The following VTI1B variants were observed in gnomAD, a reference collection of about 807,000 sequenced individuals.
VTI1B encodes the protein vesicle transport through interaction with t-SNAREs 1B.
A neutral mutation model predicts 28.6 loss-of-function variants in VTI1B; 18 were observed. The ratio of observed to expected loss-of-function variants is 0.63; its 90% CI spans 0.43 to 0.93. VTI1B has a LOEUF of 0.93. Ranked by LOEUF, VTI1B falls within the 40% of genes least tolerant of loss-of-function variation. The pLI, the probability that VTI1B is intolerant of heterozygous loss-of-function variation, is 0.00. For missense variants in VTI1B, 283 were observed against 297.0 expected (o/e 0.95, Z 0.35); for synonymous variants, 100 against 107.9 (o/e 0.93, Z 0.46).
At chr14:67,661,584 G>A (rs527477036) in intron 2 of VTI1B, among the ~76,000 whole-genome samples, 2 of 144,062 alleles carry the variant, frequency 1.4e-5, no homozygotes, top group East Asian at 2.0e-4. Flanking sequence ...CCAGACTGGA[G>A]TGCAGTGGTG....
At chr14:67,662,406 C>T in intron 2 of VTI1B, 71 bp downstream of exon 2, 1 of 1,279,594 alleles carries the variant, frequency 7.8e-7, no homozygotes, top group Non-Finnish European at 1.1e-6. Flanking sequence ...AATTTGTGAT[C>T]AGCTCATAGC....
At chr14:67,656,691 CAATA>C in intron 3 of VTI1B, 102 bp from the exon 4 acceptor site, 1 of 1,260,548 alleles carries the variant, frequency 7.9e-7, no homozygotes, top group South Asian at 1.9e-5. Context: ...ATATAGTGAG[CAATA>C]ATTTTCATTC....
In VTI1B at chr14:67,674,396, G is replaced by C. The variant is rs2037508185; in HGVS notation, c.94C>G (p.Leu32Val). The change falls in exon 1 of 6, where the codon CTG (leucine) becomes GTG (valine). Residue 32 changes from leucine (L) to valine (V), a missense_variant. By Grantham distance (32) the Leu-to-Val change is conservative. Coordinates refer to ENST00000554659, the MANE Select transcript of VTI1B (RefSeq NM_006370.3). ...TCACCGGTCCCCGCCGTCCCCAGCA[G>C]CCGCTCGGGCACCCCTTGTAGGTCT... ...HEDLQGVPERLLGTAGTEEKK... is the reference protein window; with the variant it reads ...HEDLQGVPERVLGTAGTEEKK... 6.2e-7 allele frequency: 1 copy of C among 1,602,834 alleles called. No homozygotes were observed. Among genetic ancestry groups the C allele is most frequent in the Non-Finnish European group, 8.5e-7 (1 of 1,176,116 alleles).
Position 67,650,525 on chromosome 14 carries a change from A to C in VTI1B, c.*860T>G. ...AAGGTTTCTTTTAATCTACTATAGC[A>C]CAACAGTGTTTTAACTTAAATTCAT... On this transcript the variant is annotated 3_prime_UTR_variant, in exon 6 of 6. Transcript: ENST00000554659. The C allele has an allele frequency of 3.3e-6, 2 of 606,488 alleles. No individual in the cohort carries two copies. Among genetic ancestry groups the C allele is most frequent in the Non-Finnish European group, 5.9e-6 (2 of 340,720 alleles). 37.6% of individuals were successfully genotyped at this position (606,488 alleles called of 1,614,324 possible). A position where few individuals can be genotyped will look rare whatever the true frequency, so the allele number is the denominator to read the frequency against.
rs1183751334 is a variant in VTI1B, at chr14:67,647,806, AGTCT to A, written c.*3575_*3578del. The A allele has an allele frequency of 2.8e-5, 14 of 493,684 alleles. No homozygotes were observed. The highest frequency in any genetic ancestry group is 4.7e-5 in the Non-Finnish European group (13 of 276,654). 30.6% of individuals were successfully genotyped at this position (493,684 alleles called of 1,614,324 possible). On this transcript the variant is annotated 3_prime_UTR_variant, in exon 6 of 6. Coordinates refer to ENST00000554659, the MANE Select transcript of VTI1B (RefSeq NM_006370.3). ...TAAGGCAGAAATATACATTGGAGTT[AGTCT>A]GTCTGAGGTATGCAGAACAAATGGC...
At chr14:67,654,142 C>T (rs142534190) in intron 4 of VTI1B, among the ~76,000 whole-genome samples, 6 of 152,150 alleles carry the variant, frequency 3.9e-5, no homozygotes, top group Non-Finnish European at 8.8e-5. Flanking sequence ...GGTCTCACTC[C>T]GTCACTCAGG....
chr14:67,660,437 G>T (rs755061946), intron 2 of VTI1B, among the ~76,000 whole-genome samples: 1 of 152,092 alleles, frequency 6.6e-6, no homozygotes, highest in Non-Finnish European at 1.5e-5. Context: ...CAGAAAAGGA[G>T]TCAGGATTCA....
At chr14:67,669,939 C>T (rs1053435775) in intron 1 of VTI1B, among the ~76,000 whole-genome samples, 1 of 152,218 alleles carries the variant, frequency 6.6e-6, no homozygotes. Context: ...ACTAAAAATA[C>T]AAAAAATTAG....
At chr14:67,667,561 T>C (rs1458227645) in intron 1 of VTI1B, among the ~76,000 whole-genome samples, 1 of 152,142 alleles carries the variant, frequency 6.6e-6, no homozygotes, top group Non-Finnish European at 1.5e-5. Context: ...CCAAATATAA[T>C]AAGGGCTCAA....
chr14:67,660,974 T>A (rs1264923802), intron 2 of VTI1B, among the ~76,000 whole-genome samples: 2 of 152,294 alleles, frequency 1.3e-5, no homozygotes, highest in East Asian at 3.9e-4. Context: ...GTTCCCACAG[T>A]CTAGTGGCCT....
rs1268566409 is a variant in VTI1B, at chr14:67,650,841, G to T, written c.*544C>A. On this transcript the variant is annotated 3_prime_UTR_variant, in exon 6 of 6. Transcript: ENST00000554659. ...TCAAGCTTTGGTCAGACAAGAGAAG[G>T]AGGGCATATTGTCTATGACCAACTT... 1.2e-6 allele frequency: 2 copies of T among 1,614,154 alleles called. No homozygotes were observed. Among genetic ancestry groups the T allele is most frequent in the Admixed American group, 3.3e-5 (2 of 60,028 alleles).
In VTI1B at chr14:67,651,229, G is replaced by T; in HGVS notation, c.*156C>A. The T allele has an allele frequency of 1.4e-6, 2 of 1,441,308 alleles. No homozygotes were observed. The highest frequency in any genetic ancestry group is 2.8e-5 in the African/African-American group (2 of 70,344). The allele number at this position is 1,441,308 out of a possible 1,614,324, so 89.3% of individuals were successfully genotyped here. A position where few individuals can be genotyped will look rare whatever the true frequency, so the allele number is the denominator to read the frequency against. Reference sequence around the variant, plus strand: ...GCTGTTGTTCCTTCACATTTAAGTGGTTTTTCATCTTTCCTCCCTCCTCCC... The same window carrying T: ...GCTGTTGTTCCTTCACATTTAAGTGTTTTTTCATCTTTCCTCCCTCCTCCC... On this transcript the variant is annotated 3_prime_UTR_variant, in exon 6 of 6. Coordinates refer to ENST00000554659, the MANE Select transcript of VTI1B (RefSeq NM_006370.3).
Position 67,650,273 on chromosome 14 carries a change from T to G in VTI1B, c.*1112A>C, listed in dbSNP as rs559985020. On this transcript the variant is annotated 3_prime_UTR_variant, in exon 6 of 6. Coordinates refer to ENST00000554659, the MANE Select transcript of VTI1B (RefSeq NM_006370.3). ...ACACATTAGAGTTCAAAAGTGGGAA[T>G]GCAGTTTGGCTAGTGCAAGTGGCAG... 59 of 216,524 alleles carry G rather than the reference T, an allele frequency of 2.7e-4. No homozygotes were observed. The highest frequency in any genetic ancestry group is 1.2e-3 in the African/African-American group (54 of 43,272). 13.4% of individuals were successfully genotyped at this position (216,524 alleles called of 1,614,324 possible). A position where few individuals can be genotyped will look rare whatever the true frequency, so the allele number is the denominator to read the frequency against.
intron 2 of VTI1B, among the ~76,000 whole-genome samples, chr14:67,660,981 G>A (rs1291085993): frequency 3.9e-5 from 6 of 152,146 alleles, no homozygotes; most frequent in Admixed American, 3.9e-4. Flanking sequence ...CAGTCTAGTG[G>A]CCTGGTCTTT....
chr14:67,659,609 G>GA (rs1594837092), intron 3 of VTI1B, 122 bp downstream of exon 3: 9 of 1,022,244 alleles, frequency 8.8e-6, no homozygotes, highest in Admixed American at 3.3e-5. Context: ...GGATAAGGGT[G>GA]AAAAAAATGA....
intron 1 of VTI1B, among the ~76,000 whole-genome samples, chr14:67,673,388 C>A (rs2037493651): frequency 6.6e-6 from 1 of 151,998 alleles, no homozygotes; most frequent in Admixed American, 6.6e-5. Context: ...AAGTCCCATC[C>A]CCTATTCTTT....
chr14:67,648,053 A>G lies in VTI1B; in HGVS notation c.*3332T>C, dbSNP rs748270121. The G allele has an allele frequency of 1.3e-5, 21 of 1,611,056 alleles. No individual in the cohort carries two copies. Among genetic ancestry groups the G allele is most frequent in the Non-Finnish European group, 1.7e-5 (20 of 1,178,386 alleles). ...TTATCCTCTTCCTTTTTAGGAGACA[A>G]AGACCAATCCATTTGAGTTTTGATA... On this transcript the variant is annotated 3_prime_UTR_variant, in exon 6 of 6. Coordinates refer to ENST00000554659, the MANE Select transcript of VTI1B (RefSeq NM_006370.3).
intron 5 of VTI1B, chr14:67,651,769 G>C (rs2037181581): frequency 1.1e-5 from 3 of 267,514 alleles, no homozygotes; most frequent in Non-Finnish European, 2.2e-5. Context: ...TTTCTAGAAA[G>C]AAGGGTTAGC....
intron 1 of VTI1B, chr14:67,663,125 T>TCA: frequency 6.5e-7 from 1 of 1,527,098 alleles, no homozygotes; most frequent in Non-Finnish European, 8.7e-7. Context: ...CATTCCCCTT[T>TCA]CAGCCTTTCC....
Sources: gnomAD v4.1 joint callset for allele counts (sites outside exome capture counted in the v4.1 genomes callset) on GRCh38, gnomAD v4.1.1 for gene constraint, MANE v1.5 for transcripts, NCBI Gene and HGNC (gene_info 2026-07-23, HGNC 2026-07-21) for gene names.